HUWE1: variants seen among roughly 807,000 people sequenced by gnomAD.
The protein encoded by HUWE1 is HECT, UBA and WWE domain containing E3 ubiquitin protein ligase 1.
Under a neutral mutation model 299.4 loss-of-function variants are expected in HUWE1, and 18 were observed. That is an observed-to-expected ratio of 0.06 (90% CI 0.04 to 0.09). The LOEUF is 0.09. Ranked by LOEUF, HUWE1 falls within the 10% of genes least tolerant of loss-of-function variation. The pLI, the probability that HUWE1 is intolerant of heterozygous loss-of-function variation, is 1.00. For missense variants in HUWE1, 1,832 were observed against 3,462.3 expected (o/e 0.53, Z 11.82); for synonymous variants, 1,317 against 1,286.1 (o/e 1.02, Z -0.51).
intron 59 of HUWE1, 109 bp downstream of exon 59, chrX:53,558,546 A>T (rs1398367877): frequency 1.2e-6 from 1 of 800,053 alleles, no homozygotes; most frequent in Non-Finnish European, 1.9e-6. Context: ...TCCCAGGTTC[A>T]ACGTGAACGT....
intron 19 of HUWE1, 22 bp downstream of exon 19, chrX:53,624,573 A>T (rs782490606): frequency 1.8e-5 from 19 of 1,078,280 alleles, no homozygotes; most frequent in Non-Finnish European, 2.2e-5. Context: ...AATTGTTATA[A>T]CCAACTATCA....
In HUWE1 at chrX:53,595,279, A is replaced by G; in HGVS notation, c.3288T>C (p.Pro1096=). ...HAASTTTAPT[P]AARSTASALT... ...GAGCTGAGGCTGTTGATCGCGCGGC[A>G]GGTGTCGGTGCTGTAGTGGTGCTGG... Residue 1096 remains proline, a synonymous_variant, in exon 30 of 84, where the codon CCT becomes CCC. Coordinates refer to ENST00000262854, the MANE Select transcript of HUWE1 (RefSeq NM_031407.7). The G allele has an allele frequency of 8.3e-7, 1 of 1,211,170 alleles. No homozygotes were observed. Among genetic ancestry groups the G allele is most frequent in the South Asian group, 1.8e-5 (1 of 56,945 alleles).
intron 75 of HUWE1, 133 bp downstream of exon 75, chrX:53,539,524 A>T: frequency 1.7e-6 from 1 of 602,985 alleles, no homozygotes; most frequent in Non-Finnish European, 2.7e-6. Flanking sequence ...GAGAAAAAAC[A>T]CTTCTCTTTT....
At chrX:53,615,866 G>T in intron 21 of HUWE1, 31 bp from the exon 22 acceptor site, 2 of 1,032,607 alleles carry the variant, frequency 1.9e-6, no homozygotes, top group Non-Finnish European at 2.7e-6. Context: ...GTTAGAATTA[G>T]AAAGACTGAA....
chrX:53,600,421 A>G (rs1401086370), intron 28 of HUWE1, 112 bp from the exon 29 acceptor site: 2 of 574,410 alleles, frequency 3.5e-6, no homozygotes, highest in African/African-American at 4.6e-5. Flanking sequence ...TTCAATTCCC[A>G]TGGCTTCCTA....
At chrX:53,550,317 C>T (rs368033021) in intron 66 of HUWE1, among the ~76,000 whole-genome samples, 12 of 111,990 alleles carry the variant, frequency 1.1e-4, no homozygotes, top group African/African-American at 3.9e-4. Context: ...CTGGCTAACT[C>T]ACTCCTCTAT....
At chrX:53,604,347 A>G (rs1450158754) in intron 26 of HUWE1, among the ~76,000 whole-genome samples, 2 of 111,883 alleles carry the variant, frequency 1.8e-5, no homozygotes, top group Non-Finnish European at 3.8e-5. Flanking sequence ...CCAGATGAAT[A>G]CCCAATTGAT....
chrX:53,628,905 A>T lies in HUWE1; in HGVS notation c.964-3T>A. On this transcript the variant is annotated splice_polypyrimidine_tract_variant and splice_region_variant and intron_variant, in intron 13 of 83. Coordinates refer to ENST00000262854, the MANE Select transcript of HUWE1 (RefSeq NM_031407.7). Reference sequence around the variant, plus strand: ...CGTAAAGAAGCTGCTTTAATCTCCTATTAAATTAGAAGGTAAACACATAAT... The same window carrying T: ...CGTAAAGAAGCTGCTTTAATCTCCTTTTAAATTAGAAGGTAAACACATAAT... 1 of 1,193,770 alleles carries T rather than the reference A, an allele frequency of 8.4e-7. No individual in the cohort carries two copies. Among genetic ancestry groups the T allele is most frequent in the Non-Finnish European group, 1.1e-6 (1 of 879,847 alleles).
At chrX:53,682,491 T>C (rs1489243130) in intron 2 of HUWE1, among the ~76,000 whole-genome samples, 1 of 110,401 alleles carries the variant, frequency 9.1e-6, no homozygotes, top group Non-Finnish European at 1.9e-5. Flanking sequence ...ATTAACTGCC[T>C]ATAGTAACGG....
chrX:53,586,680 G>A, intron 38 of HUWE1, 102 bp downstream of exon 38: 1 of 1,093,821 alleles, frequency 9.1e-7, no homozygotes. Flanking sequence ...AACTACAGAA[G>A]TACCACAAAT....
chrX:53,637,689 A>G (rs782300419), intron 7 of HUWE1, among the ~76,000 whole-genome samples: 3 of 112,619 alleles, frequency 2.7e-5, no homozygotes, highest in Non-Finnish European at 3.7e-5. Flanking sequence ...GTGACTCACG[A>G]AAGTCTGTGC....
chrX:53,684,448 A>C (rs1286823418), intron 2 of HUWE1, among the ~76,000 whole-genome samples: 2 of 112,067 alleles, frequency 1.8e-5, no homozygotes, highest in Non-Finnish European at 3.8e-5. Flanking sequence ...CTGGCTGCCA[A>C]ACCTCGCGAT....
chrX:53,597,539 T>C (rs1326509474), intron 29 of HUWE1, among the ~76,000 whole-genome samples: 1 of 86,752 alleles, frequency 1.2e-5, no homozygotes, highest in Non-Finnish European at 2.3e-5. Flanking sequence ...CTTTTGGTTG[T>C]ACAAGAAGGC....
In HUWE1 at chrX:53,683,690, G is replaced by T. The variant is rs868964414; in HGVS notation, c.-163+2580C>A. ...GTCTTCGCCTCAGGTCTAGTTTACC[G>T]GCACCCCGGCGTTTCGCCAATCGTC... On this transcript the variant is annotated intron_variant, in intron 2 of 83. Coordinates refer to ENST00000262854, the MANE Select transcript of HUWE1 (RefSeq NM_031407.7). 4.6e-4 allele frequency among the ~76,000 whole-genome samples: 52 copies of T among 112,463 alleles called. 1 individual carries two copies. The highest frequency in any genetic ancestry group is 4.6e-3 in the Middle Eastern group (1 of 217).
chrX:53,583,993 T>A, intron 41 of HUWE1, 77 bp from the exon 42 acceptor site: 1 of 904,622 alleles, frequency 1.1e-6, no homozygotes, highest in South Asian at 2.0e-5. Flanking sequence ...TCCTAAGTAA[T>A]TGGCCAAGCA....
chrX:53,557,182 A>G (rs1473209191), intron 60 of HUWE1, 200 bp downstream of exon 60: 9 of 551,807 alleles, frequency 1.6e-5, no homozygotes, highest in Non-Finnish European at 3.0e-5. Context: ...TCGGAGAAGA[A>G]GTGTACCACC....
Position 53,551,434 on chromosome X carries a change from C to T in HUWE1, c.8928G>A (p.Leu2976=). The T allele has an allele frequency of 1.7e-6, 2 of 1,207,809 alleles. No homozygotes were observed. The highest frequency in any genetic ancestry group is 2.2e-6 in the Non-Finnish European group (2 of 893,466). ...EGVDPSFLAA[L]PDDIRREVLQ... is the part of the protein sequence containing the mutation. ...GAACTTCCCGACGGATGTCATCAGG[C>T]AGGGCAGCCAGAAAAGAGGGGTCCA... The change falls in exon 64 of 84, where the codon CTG becomes CTA. Residue 2976 remains leucine (L), a synonymous_variant. Transcript: ENST00000262854.
At chrX:53,535,357 C>T in intron 81 of HUWE1, 27 bp downstream of exon 81, 1 of 952,795 alleles carries the variant, frequency 1.0e-6, no homozygotes, top group Middle Eastern at 2.6e-4. Flanking sequence ...TATTGAGCAA[C>T]TAGAGGTCTA....
chrX:53,605,982 T>C (rs1233045165), intron 25 of HUWE1, among the ~76,000 whole-genome samples: 1 of 111,969 alleles, frequency 8.9e-6, no homozygotes, highest in African/African-American at 3.2e-5. Flanking sequence ...ATATAAGAGC[T>C]AAGTTATAAA....
Sources: gnomAD v4.1 joint callset for allele counts (sites outside exome capture counted in the v4.1 genomes callset) on GRCh38, gnomAD v4.1.1 for gene constraint, MANE v1.5 for transcripts, NCBI Gene and HGNC (gene_info 2026-07-23, HGNC 2026-07-21) for gene names.